The following PCDHGB1 variants were observed in gnomAD, a reference collection of about 807,000 sequenced individuals.
The protein encoded by PCDHGB1 is protocadherin gamma-B1.
A neutral mutation model predicts 56.6 loss-of-function variants in PCDHGB1; 34 were observed. The observed-to-expected ratio is 0.60, with a 90% CI of 0.46 to 0.80. PCDHGB1 has a LOEUF of 0.80. PCDHGB1 is among the 30% of genes least tolerant of loss of function. The probability of loss-of-function intolerance (pLI) is 0.00; values close to 1 mark genes in which losing one functional copy is unlikely to be tolerated. For missense variants in PCDHGB1, 1,278 were observed against 1,204.6 expected, an observed-to-expected ratio of 1.06 and a Z score of -0.90; for synonymous variants, 561 against 505.9, an observed-to-expected ratio of 1.11 and a Z score of -1.46.
intron 1 of PCDHGB1, chr5:141,422,520 G>A (rs759529752): frequency 1.9e-6 from 3 of 1,613,946 alleles, no homozygotes; most frequent in South Asian, 2.2e-5. Flanking sequence ...AGGGAAGCCC[G>A]CCTTTGTCTG....
intron 1 of PCDHGB1, chr5:141,374,629 G>T (rs1404855518): frequency 6.2e-7 from 1 of 1,613,096 alleles, no homozygotes; most frequent in Non-Finnish European, 8.5e-7. Flanking sequence ...CAGTGGACGT[G>T]CAAAGCGAAG....
chr5:141,465,923 C>A (rs908350232), intron 1 of PCDHGB1, among the ~76,000 whole-genome samples: 2 of 152,062 alleles, frequency 1.3e-5, no homozygotes, highest in African/African-American at 4.8e-5. Flanking sequence ...GATTTCGAGT[C>A]CATCCTGGCT....
intron 1 of PCDHGB1, chr5:141,409,520 T>A (rs1177702875): frequency 6.2e-7 from 1 of 1,613,848 alleles, no homozygotes; most frequent in East Asian, 2.2e-5. Flanking sequence ...AAGCATCACC[T>A]TGTATGTCGC....
At position 141,485,010 on chromosome 5, in the gene PCDHGB1, C is replaced by T; in HGVS notation, c.2410-9797C>T. 1 of 629,958 alleles carries T rather than the reference C, an allele frequency of 1.6e-6. No homozygotes were observed. The highest frequency in any genetic ancestry group is 2.9e-6 in the Non-Finnish European group (1 of 350,608). 39.0% of individuals were successfully genotyped at this position (629,958 alleles called of 1,614,324 possible). On this transcript the variant is annotated intron_variant, in intron 1 of 3. Coordinates refer to ENST00000523390, the MANE Select transcript of PCDHGB1 (RefSeq NM_018922.3). This position sits in a 1 kb window ranked among gnomAD's most constrained non-coding sequence, Gnocchi z 5.7. ...GTGGTGAAAGGCAGACAAATCTACC[C>T]CGCCACCAGCAAAAACGGCGCGTAA...
intron 1 of PCDHGB1, among the ~76,000 whole-genome samples, chr5:141,464,648 G>A (rs776411908): frequency 6.6e-6 from 1 of 152,020 alleles, no homozygotes; most frequent in African/African-American, 2.4e-5. Flanking sequence ...AACCTGATGG[G>A]TAAAAAGATA....
At chr5:141,414,239 C>T in intron 1 of PCDHGB1, 1 of 1,613,498 alleles carries the variant, frequency 6.2e-7, no homozygotes, top group Non-Finnish European at 8.5e-7. Context: ...ACCATCACGT[C>T]TCTATTTAGT....
rs762433242 is a variant in PCDHGB1, at chr5:141,476,856, C to A, written c.2410-17951C>A. 2.5e-6 allele frequency: 4 copies of A among 1,613,762 alleles called. No individual in the cohort carries two copies. In the East Asian group the frequency reaches 6.7e-5, roughly 27 times the overall value. ...GACAATGCGCCTGTCTTCAACCAGTCCTTGTACCGGGCGCGCGTCCTGGAG... is the reference window on the plus strand; with the variant it reads ...GACAATGCGCCTGTCTTCAACCAGTACTTGTACCGGGCGCGCGTCCTGGAG... On this transcript the variant is annotated intron_variant, in intron 1 of 3. Coordinates refer to ENST00000523390, the MANE Select transcript of PCDHGB1 (RefSeq NM_018922.3). This position sits in a 1 kb window ranked among gnomAD's most constrained non-coding sequence, Gnocchi z 7.6.
At chr5:141,448,808 G>C (rs2098608218) in intron 1 of PCDHGB1, among the ~76,000 whole-genome samples, 2 of 152,080 alleles carry the variant, frequency 1.3e-5, no homozygotes, top group Admixed American at 1.3e-4. Flanking sequence ...AGCCAGGCGT[G>C]ATGGCGGGCG....
At chr5:141,425,447 A>G (rs549575207) in intron 1 of PCDHGB1, among the ~76,000 whole-genome samples, 5 of 152,318 alleles carry the variant, frequency 3.3e-5, no homozygotes, top group African/African-American at 1.2e-4. Flanking sequence ...AAAATAAAAC[A>G]CCATCACATT....
intron 1 of PCDHGB1, among the ~76,000 whole-genome samples, chr5:141,462,211 C>T (rs543979258): frequency 2.0e-5 from 3 of 151,998 alleles, no homozygotes; most frequent in South Asian, 2.1e-4. Context: ...CCGCCTGCCT[C>T]GGCCTCCCAA....
chr5:141,419,884 C>A lies in PCDHGB1; in HGVS notation c.2409+67215C>A. 1 of 1,614,088 alleles carries A rather than the reference C, an allele frequency of 6.2e-7. No individual in the cohort carries two copies. The highest frequency in any genetic ancestry group is 8.5e-7 in the Non-Finnish European group (1 of 1,179,896). On this transcript the variant is annotated intron_variant, in intron 1 of 3. Transcript: ENST00000523390. ...GCTTGCAAGAGGTACTGCCGGATTT[C>A]AGCGACCATCCCACACCCTCTGACT... is the stretch of plus-strand genomic sequence containing the variant.
chr5:141,486,489 G>T lies in PCDHGB1; in HGVS notation c.2410-8318G>T. 2 of 1,614,060 alleles carry T rather than the reference G, an allele frequency of 1.2e-6. No homozygotes were observed. The highest frequency in any genetic ancestry group is 1.7e-6 in the Non-Finnish European group (2 of 1,179,892). ...GGGAACCCTCCTCTCAGTACCCACA[G>T]AACTATTTTCCTCAATATTTCAGAT... On this transcript the variant is annotated intron_variant, in intron 1 of 3. Coordinates refer to ENST00000523390, the MANE Select transcript of PCDHGB1 (RefSeq NM_018922.3). The surrounding 1 kb of genome is among the most constrained non-coding windows in gnomAD (Gnocchi z 5.0).
intron 1 of PCDHGB1, chr5:141,492,007 C>T (rs1261430567): frequency 3.0e-5 from 19 of 628,956 alleles, no homozygotes; most frequent in Non-Finnish European, 4.6e-5. Flanking sequence ...GCGATTTCCG[C>T]GGGTGTCGGG....
rs1334965321 is a variant in PCDHGB1, at chr5:141,432,195, C to T, written c.2410-62612C>T. 3 of 1,614,088 alleles carry T rather than the reference C, an allele frequency of 1.9e-6. No homozygotes were observed. The Admixed American group carries it at 5.0e-5, about 27-fold the overall frequency. ...CTCGTCTCTGTGACCGCCCACGACC[C>T]CGACTGTGAAGAGAACGCCCAGATC... On this transcript the variant is annotated intron_variant, in intron 1 of 3. Transcript: ENST00000523390. This position sits in a 1 kb window ranked among gnomAD's most constrained non-coding sequence, Gnocchi z 6.0.
In PCDHGB1 at chr5:141,360,245, T is replaced by C. The variant is rs201518165; in HGVS notation, c.2409+7576T>C. On this transcript the variant is annotated intron_variant, in intron 1 of 3. Coordinates refer to ENST00000523390, the MANE Select transcript of PCDHGB1 (RefSeq NM_018922.3). ...CTCCCAGTCCAGATCCGCTATTCAA[T>C]TCCAGAGGAGCTGGCCAAAAACTCG... is the stretch of plus-strand genomic sequence containing the variant. 643 of 1,613,842 alleles carry C rather than the reference T, an allele frequency of 4.0e-4. 1 individual carries two copies. The highest frequency in any genetic ancestry group is 6.6e-4 in the Middle Eastern group (4 of 6,084).
At position 141,351,854 on chromosome 5, in the gene PCDHGB1, G is replaced by A. The variant is rs775230901; in HGVS notation, c.1594G>A (p.Asp532Asn). ...CTTCGAGCTCACACTGCAGGCCAGG[G>A]ACCAGGGCTCCCCCGCGCTCAGCGC... ...RAFELTLQAR[D>N]QGSPALSANV... is the part of the protein sequence containing the mutation. Residue 532 changes from aspartate (D) to asparagine (N), a missense_variant, in exon 1 of 4, where the codon GAC becomes AAC. By Grantham distance (23) the Asp-to-Asn change is conservative. Transcript: ENST00000523390. 4.3e-6 allele frequency: 7 copies of A among 1,613,246 alleles called. No homozygotes were observed. Among genetic ancestry groups the A allele is most frequent in the Middle Eastern group, 3.3e-4 (2 of 6,042 alleles).
At chr5:141,388,424 G>A (rs77505166) in intron 1 of PCDHGB1, 76,970 of 1,613,794 alleles carry the variant, frequency 0.048, 2,026 homozygotes, top group South Asian at 0.077. Context: ...ATTTCTCACT[G>A]ATAAATAAAG....
chr5:141,351,856 C>G lies in PCDHGB1; in HGVS notation c.1596C>G (p.Asp532Glu), dbSNP rs1177291995. 1.9e-6 allele frequency: 3 copies of G among 1,613,094 alleles called. No homozygotes were observed. Among genetic ancestry groups the G allele is most frequent in the Non-Finnish European group, 1.7e-6 (2 of 1,179,754 alleles). ...TCGAGCTCACACTGCAGGCCAGGGA[C>G]CAGGGCTCCCCCGCGCTCAGCGCCA... ...RAFELTLQAR[D>E]QGSPALSANV... is the part of the protein sequence containing the mutation. The change falls in exon 1 of 4, where the codon GAC (aspartate) becomes GAG (glutamate). Residue 532 changes from aspartate to glutamate, a missense_variant. Physicochemically the swap from Asp to Glu is conservative, Grantham distance 45. Transcript: ENST00000523390.
chr5:141,395,302 T>C, intron 1 of PCDHGB1: 1 of 1,516,670 alleles, frequency 6.6e-7, no homozygotes, highest in East Asian at 2.3e-5. Flanking sequence ...AATTATGTTT[T>C]GAAAAACATT....
Sources: gnomAD v4.1 joint callset for allele counts (sites outside exome capture counted in the v4.1 genomes callset) on GRCh38, gnomAD v4.1.1 for gene constraint, Gnocchi (gnomAD v3.1) non-coding constraint, MANE v1.5 for transcripts, NCBI Gene and HGNC (gene_info 2026-07-23, HGNC 2026-07-21) for gene names.